CNTN5: variants seen among roughly 807,000 people sequenced by gnomAD.
CNTN5 encodes contactin-5.
A neutral mutation model predicts 129.1 loss-of-function variants in CNTN5; 77 were observed. The observed-to-expected ratio is 0.60, with a 90% CI of 0.50 to 0.72. The LOEUF is 0.72. Ranked by LOEUF, CNTN5 falls within the 30% of genes least tolerant of loss-of-function variation. The probability of loss-of-function intolerance (pLI) is 0.00; values close to 1 mark genes in which losing one functional copy is unlikely to be tolerated. For synonymous variants in CNTN5, 509 were observed against 465.6 expected, an observed-to-expected ratio of 1.09 and a Z score of -1.20; for missense variants, 1,478 against 1,328.8, an observed-to-expected ratio of 1.11 and a Z score of -1.75.
In CNTN5 at chr11:99,039,651, T is replaced by G. The variant is rs183876882; in HGVS notation, c.-210+18381T>G. Among the ~76,000 whole-genome samples, 72 of 152,228 alleles carry G rather than the reference T, an allele frequency of 4.7e-4. 1 individual carries two copies. Among genetic ancestry groups the G allele is most frequent in the Non-Finnish European group, 9.0e-4 (61 of 67,992 alleles). On this transcript the variant is annotated intron_variant, in intron 1 of 24. Coordinates refer to ENST00000524871, the MANE Select transcript of CNTN5 (RefSeq NM_014361.4). ...ACAATTAAAATTACCTTCTTACCTCTGTGATTTTACAGAATGGTGGACAGT... is the reference window on the plus strand; with the variant it reads ...ACAATTAAAATTACCTTCTTACCTCGGTGATTTTACAGAATGGTGGACAGT...
chr11:100,131,754 A>G (rs1485606003), intron 13 of CNTN5, among the ~76,000 whole-genome samples: 1 of 152,116 alleles, frequency 6.6e-6, no homozygotes, highest in African/African-American at 2.4e-5. Flanking sequence ...TAATGTGCTT[A>G]CCAGTGAGGA....
chr11:99,118,602 A>G (rs954020761), intron 1 of CNTN5, among the ~76,000 whole-genome samples: 4 of 152,068 alleles, frequency 2.6e-5, no homozygotes, highest in Admixed American at 2.0e-4. Context: ...AATTTTATTG[A>G]AAAAAATGTA....
intron 7 of CNTN5, among the ~76,000 whole-genome samples, chr11:99,937,411 G>A (rs1011428901): frequency 6.6e-6 from 1 of 152,282 alleles, no homozygotes; most frequent in African/African-American, 2.4e-5. Flanking sequence ...TCATTCACTG[G>A]AACCGTTCTT....
intron 3 of CNTN5, among the ~76,000 whole-genome samples, chr11:99,709,820 G>T (rs117584092): frequency 0.021 from 3,158 of 151,854 alleles, 46 homozygotes; most frequent in Non-Finnish European, 0.031. Context: ...GCCATTGAGG[G>T]TTTTCCCTGA....
chr11:99,792,172 G>C (rs1305993705), intron 3 of CNTN5, among the ~76,000 whole-genome samples: 1 of 151,986 alleles, frequency 6.6e-6, no homozygotes, highest in Admixed American at 6.6e-5. Flanking sequence ...CTCTTTCCTC[G>C]TTCCAGTTCT....
chr11:100,061,119 C>G, intron 9 of CNTN5, 93 bp from the exon 10 acceptor site: 2 of 977,492 alleles, frequency 2.0e-6, no homozygotes, highest in Admixed American at 4.7e-5. Flanking sequence ...TTTTATTGCA[C>G]TCAGCCTATT....
intron 9 of CNTN5, among the ~76,000 whole-genome samples, chr11:100,044,402 ACT>A (rs1201353589): frequency 6.6e-6 from 1 of 151,196 alleles, no homozygotes; most frequent in Non-Finnish European, 1.5e-5. Context: ...ATTTGAGAAA[ACT>A]CCAAACTGTT....
At chr11:99,701,383 T>C (rs1225161785) in intron 3 of CNTN5, among the ~76,000 whole-genome samples, 2 of 151,342 alleles carry the variant, frequency 1.3e-5, no homozygotes, top group East Asian at 3.9e-4. Context: ...ACCATCTATT[T>C]TTTCAATAGG....
intron 2 of CNTN5, among the ~76,000 whole-genome samples, chr11:99,373,373 C>A (rs4754610): frequency 0.23 from 34,604 of 151,860 alleles, 3,984 homozygotes; most frequent in South Asian, 0.33. Context: ...AGGCTGATTA[C>A]CCCATATCCT....
At chr11:100,081,250 T>C (rs1163238355) in intron 13 of CNTN5, among the ~76,000 whole-genome samples, 2 of 152,064 alleles carry the variant, frequency 1.3e-5, no homozygotes, top group Admixed American at 1.3e-4. Context: ...CATTGGAAAT[T>C]AAGAATATAT....
intron 1 of CNTN5, among the ~76,000 whole-genome samples, chr11:99,241,596 A>G (rs1308098383): frequency 6.6e-6 from 1 of 152,042 alleles, no homozygotes; most frequent in Non-Finnish European, 1.5e-5. Context: ...AGACAGATTG[A>G]TAGATTTTTT....
chr11:99,773,214 C>G (rs1287989704), intron 3 of CNTN5, among the ~76,000 whole-genome samples: 1 of 152,002 alleles, frequency 6.6e-6, no homozygotes, highest in East Asian at 1.9e-4. Flanking sequence ...CAATATTTAT[C>G]AAAGATAACA....
At chr11:100,330,937 T>C (rs1951893961) in intron 21 of CNTN5, among the ~76,000 whole-genome samples, 1 of 152,112 alleles carries the variant, frequency 6.6e-6, no homozygotes, top group Non-Finnish European at 1.5e-5. Context: ...AAACAAGGTA[T>C]TCAGGCAACA....
At chr11:99,181,491 T>C (rs1304123471) in intron 1 of CNTN5, among the ~76,000 whole-genome samples, 1 of 152,142 alleles carries the variant, frequency 6.6e-6, no homozygotes. Flanking sequence ...GGTAGCCCAT[T>C]CCTGGGGGCC....
At chr11:99,414,908 G>C (rs757886347) in intron 2 of CNTN5, among the ~76,000 whole-genome samples, 4 of 152,188 alleles carry the variant, frequency 2.6e-5, no homozygotes, top group Non-Finnish European at 5.9e-5. Flanking sequence ...TTTGAGGATA[G>C]AATTTTCTGT....
At chr11:100,045,426 G>A (rs530900717) in intron 9 of CNTN5, among the ~76,000 whole-genome samples, 15 of 151,994 alleles carry the variant, frequency 9.9e-5, no homozygotes, top group Admixed American at 8.5e-4. Flanking sequence ...CCAAAGATTA[G>A]AGATAGAAGA....
chr11:99,257,692 G>C (rs1345029300), intron 1 of CNTN5, among the ~76,000 whole-genome samples: 2 of 152,046 alleles, frequency 1.3e-5, no homozygotes, highest in African/African-American at 4.8e-5. Flanking sequence ...CAAGTTTCAT[G>C]AAGACTGTCT....
chr11:99,531,984 G>A (rs1947726665), intron 2 of CNTN5, among the ~76,000 whole-genome samples: 1 of 152,092 alleles, frequency 6.6e-6, no homozygotes, highest in Non-Finnish European at 1.5e-5. Flanking sequence ...GCACTGCTTA[G>A]TGGAGCTCTG....
intron 8 of CNTN5, among the ~76,000 whole-genome samples, chr11:99,974,922 T>C (rs1280762937): frequency 6.6e-6 from 1 of 152,228 alleles, no homozygotes; most frequent in Non-Finnish European, 1.5e-5. Flanking sequence ...CATCATCCAC[T>C]TGTTTAATAA....
Sources: gnomAD v4.1 joint callset for allele counts (sites outside exome capture counted in the v4.1 genomes callset) on GRCh38, gnomAD v4.1.1 for gene constraint, MANE v1.5 for transcripts, NCBI Gene and HGNC (gene_info 2026-07-23, HGNC 2026-07-21) for gene names.